The following HNF4G variants were observed in gnomAD, a reference collection of about 807,000 sequenced individuals.
The protein encoded by HNF4G is hepatocyte nuclear factor 4 gamma, also known as hepatocyte nuclear factor 4-gamma.
HNF4G carries 21 observed loss-of-function variants against 50.9 expected under a neutral mutation model. That is an observed-to-expected ratio of 0.41 (90% CI 0.29 to 0.59). The LOEUF is 0.59. Among genes scored for constraint, HNF4G ranks in the 20% least tolerant of loss-of-function variants. The pLI is 0.26. For synonymous variants in HNF4G, 198 were observed against 185.6 expected (o/e 1.07, Z -0.54); for missense variants, 527 against 559.4 (o/e 0.94, Z 0.58).
intron 1 of HNF4G, among the ~76,000 whole-genome samples, chr8:75,438,808 T>C (rs2130540224): frequency 6.6e-6 from 1 of 152,194 alleles, no homozygotes; most frequent in Middle Eastern, 3.4e-3. Context: ...CCAATTTCAG[T>C]GGGATTCTTT....
intron 1 of HNF4G, among the ~76,000 whole-genome samples, chr8:75,478,208 G>A (rs1392361461): frequency 6.6e-6 from 1 of 152,064 alleles, no homozygotes; most frequent in Non-Finnish European, 1.5e-5. Flanking sequence ...CAGCTCCTTG[G>A]TAGGTTGAGG....
At chr8:75,508,187 C>T (rs1805647184) in intron 2 of HNF4G, among the ~76,000 whole-genome samples, 2 of 152,104 alleles carry the variant, frequency 1.3e-5, no homozygotes, top group South Asian at 2.1e-4. Context: ...ATCCTTCCAG[C>T]ACAGGCAGGG....
chr8:75,450,477 G>A (rs778692489), intron 1 of HNF4G, among the ~76,000 whole-genome samples: 13 of 152,244 alleles, frequency 8.5e-5, no homozygotes, highest in Admixed American at 2.0e-4. Flanking sequence ...TGGATCATAT[G>A]GTAGTTCTAT....
Position 75,491,218 on chromosome 8 carries a change from T to C in HNF4G, c.-24+1010T>C, listed in dbSNP as rs1812620941. 5.9e-5 allele frequency among the ~76,000 whole-genome samples: 9 copies of C among 152,300 alleles called. No homozygotes were observed. In the South Asian group the frequency reaches 1.9e-3, roughly 32 times the overall value. ...TATTGGAAGAATAAATGTGGTATAT[T>C]TGGAGTGTTAGAACGGGCATATATT... On this transcript the variant is annotated intron_variant, in intron 2 of 10. Transcript: ENST00000354370.
chr8:75,493,233 A>T (rs1317369634), intron 2 of HNF4G, among the ~76,000 whole-genome samples: 1 of 152,122 alleles, frequency 6.6e-6, no homozygotes, highest in African/African-American at 2.4e-5. Context: ...ACAGCAAGGT[A>T]TATATCTGGA....
chr8:75,430,491 AGAGAGAGAGAGG>A (rs1480364617), intron 1 of HNF4G, among the ~76,000 whole-genome samples: 44 of 146,422 alleles, frequency 3.0e-4, no homozygotes, highest in African/African-American at 1.1e-3. Flanking sequence ...AGAGAGAGAG[AGAGAGAGAGAGG>A]GAGAGAGAGA....
At chr8:75,436,250 A>G (rs1811133484) in intron 1 of HNF4G, among the ~76,000 whole-genome samples, 1 of 152,194 alleles carries the variant, frequency 6.6e-6, no homozygotes, top group Non-Finnish European at 1.5e-5. Context: ...TGCAATTCCT[A>G]TTGTCTCACC....
chr8:75,449,501 A>AT (rs1232475679), intron 1 of HNF4G, among the ~76,000 whole-genome samples: 1 of 110,756 alleles, frequency 9.0e-6, no homozygotes, highest in Admixed American at 9.0e-5. Context: ...ATATATATAT[A>AT]TTTTTTTCTT....
intron 9 of HNF4G, among the ~76,000 whole-genome samples, chr8:75,563,410 G>A (rs1312849007): frequency 7.2e-6 from 1 of 139,668 alleles, no homozygotes; most frequent in African/African-American, 2.8e-5. Flanking sequence ...AAGCTCGATT[G>A]TAATAGAATA....
intron 1 of HNF4G, among the ~76,000 whole-genome samples, chr8:75,480,779 C>T (rs1812359228): frequency 2.1e-5 from 3 of 145,878 alleles, no homozygotes; most frequent in Non-Finnish European, 4.5e-5. Flanking sequence ...GGCGTGATCT[C>T]GGCTCACTGC....
At chr8:75,529,823 C>T (rs1236342654) in intron 2 of HNF4G, among the ~76,000 whole-genome samples, 1 of 152,104 alleles carries the variant, frequency 6.6e-6, no homozygotes, top group African/African-American at 2.4e-5. Flanking sequence ...TCACCTTTCT[C>T]ATCACAACAT....
intron 1 of HNF4G, among the ~76,000 whole-genome samples, chr8:75,473,841 C>T (rs1178415135): frequency 1.3e-5 from 2 of 149,894 alleles, no homozygotes; most frequent in East Asian, 2.0e-4. Flanking sequence ...TTCTTGGGCA[C>T]GGTTTGGGTA....
chr8:75,417,180 A>AT (rs1810662001), intron 1 of HNF4G, among the ~76,000 whole-genome samples: 1 of 151,894 alleles, frequency 6.6e-6, no homozygotes, highest in South Asian at 2.1e-4. Context: ...TGTTATTTTT[A>AT]TTTTTTATAG....
chr8:75,460,370 A>C (rs1811814549), intron 1 of HNF4G, among the ~76,000 whole-genome samples: 1 of 152,208 alleles, frequency 6.6e-6, no homozygotes, highest in African/African-American at 2.4e-5. Context: ...GATGCTTGAC[A>C]AAAATAAACT....
At chr8:75,510,479 T>C (rs1805720303) in intron 2 of HNF4G, among the ~76,000 whole-genome samples, 2 of 152,226 alleles carry the variant, frequency 1.3e-5, no homozygotes, top group African/African-American at 4.8e-5. Flanking sequence ...CCAGAGCAAC[T>C]TCCACTGTTG....
At chr8:75,449,012 G>C (rs565244146) in intron 1 of HNF4G, among the ~76,000 whole-genome samples, 1 of 152,188 alleles carries the variant, frequency 6.6e-6, no homozygotes, top group East Asian at 1.9e-4. Context: ...TGAGATTTGG[G>C]GGGGTATAGC....
intron 1 of HNF4G, among the ~76,000 whole-genome samples, chr8:75,461,418 C>A (rs1811837841): frequency 6.6e-6 from 1 of 152,148 alleles, no homozygotes; most frequent in Admixed American, 6.6e-5. Context: ...GACCCTTCTT[C>A]CTCTCTTTTT....
At chr8:75,545,476 C>T (rs1806749774) in intron 2 of HNF4G, among the ~76,000 whole-genome samples, 1 of 152,074 alleles carries the variant, frequency 6.6e-6, no homozygotes, top group African/African-American at 2.4e-5. Context: ...GCCAACCTAG[C>T]TTTCTTTACA....
intron 1 of HNF4G, among the ~76,000 whole-genome samples, chr8:75,439,033 A>C (rs1246660087): frequency 1.3e-5 from 2 of 151,946 alleles, no homozygotes; most frequent in Non-Finnish European, 2.9e-5. Context: ...TTCATTGTAT[A>C]TTTAACCAGC....
Sources: gnomAD v4.1 joint callset for allele counts (sites outside exome capture counted in the v4.1 genomes callset) on GRCh38, gnomAD v4.1.1 for gene constraint, MANE v1.5 for transcripts, NCBI Gene and HGNC (gene_info 2026-07-23, HGNC 2026-07-21) for gene names.